The following CACNA1C variants were observed in gnomAD, a reference collection of about 807,000 sequenced individuals.
CACNA1C encodes voltage-dependent L-type calcium channel subunit alpha-1C.
Under a neutral mutation model 229.0 loss-of-function variants are expected in CACNA1C, and 30 were observed. That is an observed-to-expected ratio of 0.13 (90% CI 0.10 to 0.18). The LOEUF is 0.18. CACNA1C is among the 10% of genes least tolerant of loss of function. The pLI is 1.00. For synonymous variants in CACNA1C, 1,114 were observed against 1,132.5 expected, an observed-to-expected ratio of 0.98 and a Z score of 0.33; for missense variants, 1,658 against 2,845.0, an observed-to-expected ratio of 0.58 and a Z score of 9.49.
At chr12:2,424,719 T>C (rs527977763) in intron 3 of CACNA1C, among the ~76,000 whole-genome samples, 3 of 152,258 alleles carry the variant, frequency 2.0e-5, no homozygotes, top group Admixed American at 6.5e-5. Flanking sequence ...CCAATTCCAT[T>C]GTGAAGTGGC....
intron 3 of CACNA1C, among the ~76,000 whole-genome samples, chr12:2,237,920 C>T (rs1017627402): frequency 3.3e-5 from 5 of 152,190 alleles, no homozygotes; most frequent in Non-Finnish European, 5.9e-5. Flanking sequence ...CCTTTATTTA[C>T]GTACCCAAAA....
rs1252559607 is a variant in CACNA1C, at chr12:2,608,598, C to A, written c.3444C>A (p.Ile1148=). 1 of 1,612,548 alleles carries A rather than the reference C, an allele frequency of 6.2e-7. No homozygotes were observed. Among genetic ancestry groups the A allele is most frequent in the Non-Finnish European group, 8.5e-7 (1 of 1,178,954 alleles). Residue 1148 remains isoleucine (I), a synonymous_variant, in exon 27 of 47, where the codon ATC becomes ATA. Coordinates refer to ENST00000399655, the MANE Select transcript of CACNA1C (RefSeq NM_000719.7). The surrounding 1 kb of genome is among the most constrained non-coding windows in gnomAD (Gnocchi z 4.2). The stretch of plus-strand genomic sequence containing the variant: ...TGGAGATCTCCATCTTCTTCATCAT[C>A]TACATCATCATCATCGCCTTCTTCA... ...YRVEISIFFI[I]YIIIIAFFMM... is the part of the protein sequence containing the mutation.
chr12:2,266,814 C>A (rs1283403386), intron 3 of CACNA1C, among the ~76,000 whole-genome samples: 1 of 152,184 alleles, frequency 6.6e-6, no homozygotes, highest in Admixed American at 6.5e-5. Flanking sequence ...TCGAGCTGGG[C>A]AGGCCTGGGT....
intron 1 of CACNA1C, among the ~76,000 whole-genome samples, chr12:2,082,054 C>T (rs1446159825): frequency 6.6e-6 from 1 of 152,168 alleles, no homozygotes; most frequent in African/African-American, 2.4e-5. Context: ...GGGATATTCA[C>T]TTCAGTGCTG....
intron 3 of CACNA1C, among the ~76,000 whole-genome samples, chr12:2,254,511 C>T (rs563431850): frequency 5.3e-5 from 8 of 152,272 alleles, no homozygotes; most frequent in African/African-American, 1.9e-4. Context: ...ACTCTTGTGT[C>T]CTGTGCACCT....
chr12:2,468,388 C>T (rs1024530391), intron 5 of CACNA1C, among the ~76,000 whole-genome samples: 1 of 152,222 alleles, frequency 6.6e-6, no homozygotes, highest in African/African-American at 2.4e-5. Context: ...ATTCAGCATC[C>T]GTTCAAGGCC....
chr12:2,537,152 T>C (rs774985235), intron 9 of CACNA1C, among the ~76,000 whole-genome samples: 16 of 152,172 alleles, frequency 1.1e-4, no homozygotes, highest in Non-Finnish European at 4.4e-5. Flanking sequence ...CTCCTCCACT[T>C]AGTGATGCCA....
Position 2,089,806 on chromosome 12 carries a change from GGGC to G in CACNA1C, c.50-25415_50-25413del, listed in dbSNP as rs1280684967. Among the ~76,000 whole-genome samples, 134 of 152,166 alleles carry G rather than the reference GGGC, an allele frequency of 8.8e-4. 1 individual carries two copies. The highest frequency in any genetic ancestry group is 3.0e-3 in the African/African-American group (126 of 41,516). On this transcript the variant is annotated intron_variant, in intron 1 of 46. Coordinates refer to ENST00000399655, the MANE Select transcript of CACNA1C (RefSeq NM_000719.7). ...TCCCAGCACTTGGGGAGGCTGAGGT[GGGC>G]GGATCACAAGGTCGGGAGATCGAGA...
At chr12:2,199,806 C>T (rs1432723700) in intron 3 of CACNA1C, among the ~76,000 whole-genome samples, 10 of 152,062 alleles carry the variant, frequency 6.6e-5, no homozygotes, top group South Asian at 2.1e-4. Context: ...TTACTTCAGC[C>T]GAGAGGTGAA....
At position 2,410,870 on chromosome 12, in the gene CACNA1C, C is replaced by T. The variant is rs1410228696; in HGVS notation, c.478-38106C>T. Among the ~76,000 whole-genome samples, 3 of 146,714 alleles carry T rather than the reference C, an allele frequency of 2.0e-5. No individual in the cohort carries two copies. The highest frequency in any genetic ancestry group is 2.9e-5 in the Non-Finnish European group (2 of 67,812). ...GACCCTGGCTGTGAGGATGGCCTTC[C>T]TATCCTTCCCTTCTCCTGGCTGCCC... On this transcript the variant is annotated intron_variant, in intron 3 of 46. Transcript: ENST00000399655. The surrounding 1 kb of genome is among the most constrained non-coding windows in gnomAD (Gnocchi z 5.3).
At position 2,115,483 on chromosome 12, in the gene CACNA1C, C is replaced by T. The variant is rs757538469; in HGVS notation, c.309C>T (p.Ala103=). Residue 103 remains alanine (A), a synonymous_variant, in exon 2 of 47, where the codon GCC becomes GCT. Transcript: ENST00000399655. ...CCACGGCCACACGCCCGCCCCGAGC[C>T]CTGCTCTGCCTGACCCTGAAGAACC... ...GSTTATRPPR[A]LLCLTLKNPI... 1 of 1,613,542 alleles carries T rather than the reference C, an allele frequency of 6.2e-7. No homozygotes were observed. Among genetic ancestry groups the T allele is most frequent in the South Asian group, 1.1e-5 (1 of 91,090 alleles).
intron 5 of CACNA1C, among the ~76,000 whole-genome samples, chr12:2,463,977 G>A (rs2099533319): frequency 6.6e-6 from 1 of 152,128 alleles, no homozygotes; most frequent in Non-Finnish European, 1.5e-5. Context: ...TTAAATATTT[G>A]CAATGTATAT....
chr12:2,035,160 G>C (rs2048901559), intron 1 of CACNA1C, among the ~76,000 whole-genome samples: 1 of 152,176 alleles, frequency 6.6e-6, no homozygotes, highest in Non-Finnish European at 1.5e-5. Flanking sequence ...CGGGCCCTCC[G>C]CGGGGCGCCG....
intron 3 of CACNA1C, among the ~76,000 whole-genome samples, chr12:2,423,469 G>T (rs1213418328): frequency 6.6e-6 from 1 of 152,128 alleles, no homozygotes; most frequent in African/African-American, 2.4e-5. Flanking sequence ...GTAGGATGGG[G>T]TAATATACTT....
chr12:2,097,395 C>G (rs902961162), intron 1 of CACNA1C, among the ~76,000 whole-genome samples: 2 of 152,120 alleles, frequency 1.3e-5, no homozygotes, highest in African/African-American at 4.8e-5. Flanking sequence ...ATCCGCCCGC[C>G]TCGACCTCCC....
Position 2,634,380 on chromosome 12 carries a change from CG to C in CACNA1C, c.3912+1del. ...TTGATATAGCAATCACCGAGGTAAA[CG>C]TAAGTACATGGCGTCTGTCCCTAAC... On this transcript the variant is annotated splice_donor_variant, in intron 30 of 46. Coordinates refer to ENST00000399655, the MANE Select transcript of CACNA1C (RefSeq NM_000719.7). LOFTEE classifies it high-confidence loss of function. The C allele has an allele frequency of 6.4e-7, 1 of 1,552,380 alleles. No individual in the cohort carries two copies. Among genetic ancestry groups the C allele is most frequent in the Non-Finnish European group, 8.8e-7 (1 of 1,137,452 alleles).
intron 1 of CACNA1C, among the ~76,000 whole-genome samples, chr12:2,102,255 A>G (rs1387108373): frequency 6.6e-6 from 1 of 152,234 alleles, no homozygotes; most frequent in Non-Finnish European, 1.5e-5. Flanking sequence ...CTGTAAAAGA[A>G]CTTCCATGCA....
intron 1 of CACNA1C, among the ~76,000 whole-genome samples, chr12:2,092,656 C>T (rs1268455294): frequency 6.6e-6 from 1 of 152,170 alleles, no homozygotes; most frequent in African/African-American, 2.4e-5. Context: ...CATTCTTCAT[C>T]ACTTCCAACT....
intron 1 of CACNA1C, among the ~76,000 whole-genome samples, chr12:2,089,812 A>G (rs1057053270): frequency 1.1e-4 from 17 of 152,066 alleles, no homozygotes; most frequent in Admixed American, 3.3e-4. Context: ...AGGTGGGCGG[A>G]TCACAAGGTC....
Sources: allele counts gnomAD v4.1 joint callset (sites outside exome capture counted in the v4.1 genomes callset), GRCh38; gene constraint gnomAD v4.1.1; non-coding constraint Gnocchi (gnomAD v3.1); transcripts MANE v1.5; gene names NCBI Gene and HGNC (gene_info 2026-07-23, HGNC 2026-07-21).